Variants in DCTN4 observed in about 807,000 individuals in gnomAD.
DCTN4 encodes the protein dynactin 4 (p62).
DCTN4 carries 23 observed loss-of-function variants against 62.7 expected under a neutral mutation model. The observed-to-expected ratio is 0.37, with a 90% CI of 0.26 to 0.52. The LOEUF (loss-of-function observed/expected upper bound fraction) is 0.52. DCTN4 is among the 20% of genes least tolerant of loss of function. The pLI, the probability that DCTN4 is intolerant of heterozygous loss-of-function variation, is 0.92. For missense variants in DCTN4, 514 were observed against 580.4 expected, an observed-to-expected ratio of 0.89 and a Z score of 1.18; for synonymous variants, 199 against 202.1, an observed-to-expected ratio of 0.98 and a Z score of 0.13.
intron 3 of DCTN4, among the ~76,000 whole-genome samples, chr5:150,749,731 A>G (rs541703075): frequency 2.6e-5 from 4 of 152,304 alleles, no homozygotes; most frequent in Admixed American, 1.3e-4. Context: ...TGACCTAATA[A>G]TTTCACTCTT....
rs775262271 is a variant in DCTN4 at position 150,711,173 on chromosome 5, A to G, written c.1359T>C (p.Leu453=). The G allele has an allele frequency of 7.4e-6, 12 of 1,612,210 alleles. No homozygotes were observed. The highest frequency in any genetic ancestry group is 9.3e-6 in the Non-Finnish European group (11 of 1,180,026). The stretch of plus-strand genomic sequence containing the variant: ...TTTAAGGAAGAAGTGGGCCCAAGCT[A>G]AGTTCCACATGCTGGGTGAGCCAGA... ...EVIWLTQHVE[L]SLGPLLP Residue 453 remains leucine, a synonymous_variant, in exon 13 of 13, where the codon CTT becomes CTC. Coordinates refer to ENST00000447998, the MANE Select transcript of DCTN4 (RefSeq NM_016221.4).
chr5:150,732,078 A>T (rs1295178420), intron 5 of DCTN4, among the ~76,000 whole-genome samples: 1 of 152,198 alleles, frequency 6.6e-6, no homozygotes, highest in East Asian at 1.9e-4. Flanking sequence ...TGACTATACC[A>T]CTGGACTATT....
intron 1 of DCTN4, chr5:150,758,493 T>C (rs1752944404): frequency 2.0e-6 from 2 of 998,398 alleles, no homozygotes; most frequent in Non-Finnish European, 2.4e-6. Flanking sequence ...CCTCCCTCCA[T>C]CCTCGCAATA....
At chr5:150,745,567 A>G (rs2113118117) in intron 3 of DCTN4, among the ~76,000 whole-genome samples, 1 of 152,362 alleles carries the variant, frequency 6.6e-6, no homozygotes, top group South Asian at 2.1e-4. Context: ...CAAATGTAAA[A>G]TAACAGAAAT....
At chr5:150,734,425 C>G (rs1387069263) in intron 4 of DCTN4, 1 of 152,100 alleles carries the variant, frequency 6.6e-6, no homozygotes, top group Non-Finnish European at 1.5e-5. Flanking sequence ...ATTTAGAGAG[C>G]CGAGTGAAAT....
rs781156279 is a variant in DCTN4, at chr5:150,731,121, A to G, written c.647T>C (p.Ile216Thr). 190 of 1,612,952 alleles carry G rather than the reference A, an allele frequency of 1.2e-4. No homozygotes were observed. Among genetic ancestry groups the G allele is most frequent in the Non-Finnish European group, 1.4e-4 (170 of 1,179,044 alleles). ...KEGEDQKEIKIEPAQAVDEVE... is the reference protein window; with the variant it reads ...KEGEDQKEIKTEPAQAVDEVE... ...TTCATCCACAGCCTGAGCTGGCTCA[A>G]TCTTTATCTCTTTCTGATCCTCTCC... The change falls in exon 7 of 13, where the codon ATT (isoleucine) becomes ACT (threonine). Residue 216 changes from isoleucine to threonine, a missense_variant. Transcript: ENST00000447998.
intron 9 of DCTN4, 39 bp downstream of exon 9, chr5:150,722,868 C>A (rs749635710): frequency 2.6e-6 from 4 of 1,543,750 alleles, no homozygotes; most frequent in Middle Eastern, 1.7e-4. Context: ...CAAAATAACT[C>A]AAAACAGTAA....
intron 9 of DCTN4, 39 bp from the exon 10 acceptor site, chr5:150,719,809 GTC>G: frequency 7.6e-7 from 1 of 1,320,028 alleles, no homozygotes. Flanking sequence ...GTTCATTGGA[GTC>G]TCTTAAAATT....
rs375864720 is a variant in DCTN4, at chr5:150,735,241, G to A, written c.430-1766C>T. On this transcript the variant is annotated intron_variant, in intron 4 of 12. Coordinates refer to ENST00000447998, the MANE Select transcript of DCTN4 (RefSeq NM_016221.4). Reference sequence around the variant, plus strand: ...CAACTCATTATAGCAACTCATAAAAGAACAACCCTGCCCTCAAAAGGAGAA... The same window carrying A: ...CAACTCATTATAGCAACTCATAAAAAAACAACCCTGCCCTCAAAAGGAGAA... 9.9e-5 allele frequency among the ~76,000 whole-genome samples: 15 copies of A among 152,240 alleles called. No homozygotes were observed. In the East Asian group the frequency reaches 2.1e-3, roughly 22 times the overall value.
intron 2 of DCTN4, chr5:150,755,557 A>G (rs1222533960): frequency 1.8e-5 from 8 of 456,182 alleles, no homozygotes; most frequent in Admixed American, 4.7e-5. Context: ...CGCAAAATAC[A>G]TTCCCCTAGT....
intron 3 of DCTN4, among the ~76,000 whole-genome samples, chr5:150,745,548 T>A (rs1259478424): frequency 1.3e-5 from 2 of 151,862 alleles, no homozygotes; most frequent in Admixed American, 1.3e-4. Context: ...GAAGTAAAGC[T>A]CTCCTCAGCA....
intron 5 of DCTN4, chr5:150,731,958 A>G (rs1581581557): frequency 1.3e-6 from 2 of 1,524,074 alleles, no homozygotes; most frequent in Non-Finnish European, 1.8e-6. Flanking sequence ...AAAATGCAGC[A>G]TAAGATAGAA....
intron 8 of DCTN4, among the ~76,000 whole-genome samples, chr5:150,725,608 A>T (rs921870658): frequency 3.3e-5 from 5 of 151,864 alleles, no homozygotes; most frequent in Non-Finnish European, 5.9e-5. Context: ...TAATCTTTTA[A>T]TATTTCTTCT....
At position 150,714,958 on chromosome 5, in the gene DCTN4, T is replaced by C. The variant is rs150722553; in HGVS notation, c.1169+607A>G. On this transcript the variant is annotated intron_variant, in intron 12 of 12. Transcript: ENST00000447998. Reference sequence around the variant, plus strand: ...GAAATTTTATGCCCATGAAGTAGCATAAAATTGCTACTTCAGTGTTCTTTT... The same window carrying C: ...GAAATTTTATGCCCATGAAGTAGCACAAAATTGCTACTTCAGTGTTCTTTT... 1.1e-3 allele frequency among the ~76,000 whole-genome samples: 161 copies of C among 152,330 alleles called. 2 individuals are homozygous for C. The highest frequency in any genetic ancestry group is 3.7e-3 in the African/African-American group (155 of 41,572).
At chr5:150,738,138 C>CA (rs950386573) in intron 4 of DCTN4, among the ~76,000 whole-genome samples, 13 of 149,616 alleles carry the variant, frequency 8.7e-5, no homozygotes, top group East Asian at 5.9e-4. Flanking sequence ...AAACTGTCCA[C>CA]AAAAAAAAAG....
Position 150,709,937 on chromosome 5 carries a change from C to T in DCTN4, c.*1212G>A, listed in dbSNP as rs565522333. 2 of 152,300 alleles carry T rather than the reference C, an allele frequency of 1.3e-5. No individual in the cohort carries two copies. The highest frequency in any genetic ancestry group is 2.9e-5 in the Non-Finnish European group (2 of 68,044). The allele number at this position is 152,300 out of a possible 1,614,324, so 9.4% of individuals were successfully genotyped here. A position where few individuals can be genotyped will look rare whatever the true frequency, so the allele number is the denominator to read the frequency against. ...TATCAAGTTTCATTTTAGAAAACAT[C>T]ATAGAAATTAAGGTTAGCAACCCAA... On this transcript the variant is annotated 3_prime_UTR_variant, in exon 13 of 13. Transcript: ENST00000447998.
chr5:150,708,453 CTGTGTATA>C lies in DCTN4; in HGVS notation c.*2688_*2695del, dbSNP rs1380616342. ...AGTGGCCACTGGTGGAGTCAGACCA[CTGTGTATA>C]TTGTAAAGGATATCTTTAGAAGCAA... is the stretch of plus-strand genomic sequence containing the variant. On this transcript the variant is annotated 3_prime_UTR_variant, in exon 13 of 13. Coordinates refer to ENST00000447998, the MANE Select transcript of DCTN4 (RefSeq NM_016221.4). 1 of 152,118 alleles carries C rather than the reference CTGTGTATA, an allele frequency of 6.6e-6. No individual in the cohort carries two copies. Among genetic ancestry groups the C allele is most frequent in the Non-Finnish European group, 1.5e-5 (1 of 68,054 alleles). 9.4% of individuals were successfully genotyped at this position (152,118 alleles called of 1,614,324 possible). A position where few individuals can be genotyped will look rare whatever the true frequency, so the allele number is the denominator to read the frequency against.
chr5:150,720,371 C>CA (rs1407942767), intron 9 of DCTN4, among the ~76,000 whole-genome samples: 15 of 150,634 alleles, frequency 1.0e-4, no homozygotes, highest in African/African-American at 2.4e-4. Context: ...TCCTGAATCT[C>CA]AAAAAAAACA....
chr5:150,755,564 T>C (rs1017232038), intron 2 of DCTN4: 2 of 456,142 alleles, frequency 4.4e-6, no homozygotes, highest in Non-Finnish European at 8.8e-6. Context: ...TACATTCCCC[T>C]AGTCTGATGA....
Sources: gnomAD v4.1 joint callset for allele counts (sites outside exome capture counted in the v4.1 genomes callset) on GRCh38, gnomAD v4.1.1 for gene constraint, MANE v1.5 for transcripts, NCBI Gene and HGNC (gene_info 2026-07-23, HGNC 2026-07-21) for gene names.